Variants in OPCML observed in about 807,000 individuals in gnomAD.
OPCML encodes opioid-binding protein/cell adhesion molecule.
In OPCML, 13 loss-of-function variants were observed where a neutral mutation model predicts 37.8. The observed-to-expected ratio is 0.34, with a 90% confidence interval of 0.22 to 0.55. The LOEUF (loss-of-function observed/expected upper bound fraction) is 0.55. Ranked by LOEUF, OPCML falls within the 20% of genes least tolerant of loss-of-function variation. OPCML has a pLI of 0.91. For missense variants in OPCML, 341 were observed against 435.6 expected (o/e 0.78, Z 1.93); for synonymous variants, 176 against 168.8 (o/e 1.04, Z -0.33).
At chr11:132,710,377 TAATC>T (rs1203880629) in intron 2 of OPCML, among the ~76,000 whole-genome samples, 3 of 152,150 alleles carry the variant, frequency 2.0e-5, no homozygotes, top group African/African-American at 7.2e-5. Flanking sequence ...ATCTCTCAAA[TAATC>T]AATAAGTAAA....
intron 1 of OPCML, among the ~76,000 whole-genome samples, chr11:133,443,246 C>T (rs1946400589): frequency 6.6e-6 from 1 of 152,188 alleles, no homozygotes; most frequent in African/African-American, 2.4e-5. Flanking sequence ...CCCAACCAAT[C>T]TTTTATAGGA....
intron 2 of OPCML, among the ~76,000 whole-genome samples, chr11:132,701,891 T>C (rs953699221): frequency 3.3e-5 from 5 of 152,080 alleles, no homozygotes; most frequent in African/African-American, 1.2e-4. Context: ...TCAAAACATC[T>C]TGTAGTTATA....
intron 1 of OPCML, among the ~76,000 whole-genome samples, chr11:133,457,430 T>C (rs1161739799): frequency 6.6e-6 from 1 of 151,966 alleles, no homozygotes; most frequent in African/African-American, 2.4e-5. Flanking sequence ...TCCCAACTAC[T>C]TGGGAGGCTG....
intron 1 of OPCML, among the ~76,000 whole-genome samples, chr11:133,445,868 A>C (rs1946463766): frequency 6.6e-6 from 1 of 151,930 alleles, no homozygotes; most frequent in African/African-American, 2.4e-5. Flanking sequence ...GGAAGATATA[A>C]AGTTGATTGG....
chr11:132,696,063 A>G (rs1943588476), intron 2 of OPCML, among the ~76,000 whole-genome samples: 1 of 152,200 alleles, frequency 6.6e-6, no homozygotes, highest in Admixed American at 6.5e-5. Flanking sequence ...ACAGCCCACT[A>G]TTAACCCAGG....
chr11:132,696,183 A>T (rs181212313), intron 2 of OPCML, among the ~76,000 whole-genome samples: 2 of 152,324 alleles, frequency 1.3e-5, no homozygotes, highest in Non-Finnish European at 2.9e-5. Flanking sequence ...GTTTATTTCC[A>T]TGTCTGTGTT....
At chr11:133,499,961 C>T (rs1326337062) in intron 1 of OPCML, among the ~76,000 whole-genome samples, 25 of 146,198 alleles carry the variant, frequency 1.7e-4, no homozygotes, top group Admixed American at 3.4e-4. Flanking sequence ...AACCTCCGCC[C>T]CCCGGGTTCA....
chr11:132,994,291 G>A (rs1946839821), intron 1 of OPCML, among the ~76,000 whole-genome samples: 1 of 152,162 alleles, frequency 6.6e-6, no homozygotes, highest in African/African-American at 2.4e-5. Context: ...CTATTAAAAA[G>A]CCCAGGCGCG....
chr11:132,487,272 C>A (rs553083571), intron 4 of OPCML, among the ~76,000 whole-genome samples: 3 of 152,216 alleles, frequency 2.0e-5, no homozygotes, highest in Admixed American at 6.5e-5. Flanking sequence ...GTGCCCATGA[C>A]GGGCAACGTC....
intron 1 of OPCML, among the ~76,000 whole-genome samples, chr11:132,995,470 C>T (rs1370230583): frequency 6.6e-6 from 1 of 150,544 alleles, no homozygotes; most frequent in Admixed American, 6.6e-5. Flanking sequence ...TCCCTTCTTC[C>T]CTCTGTCTCT....
At chr11:132,915,752 A>T (rs1342489406) in intron 2 of OPCML, among the ~76,000 whole-genome samples, 1 of 152,172 alleles carries the variant, frequency 6.6e-6, no homozygotes, top group Non-Finnish European at 1.5e-5. Flanking sequence ...CCACATATTT[A>T]TTCACTATTT....
At chr11:132,653,929 C>G (rs991196091) in intron 3 of OPCML, among the ~76,000 whole-genome samples, 1 of 152,214 alleles carries the variant, frequency 6.6e-6, no homozygotes, top group Non-Finnish European at 1.5e-5. Context: ...CAATACCCAT[C>G]AGCAGTTTGA....
At chr11:133,426,179 A>G (rs1411929537) in intron 1 of OPCML, among the ~76,000 whole-genome samples, 3 of 152,198 alleles carry the variant, frequency 2.0e-5, no homozygotes, top group Admixed American at 6.5e-5. Flanking sequence ...TCTCTTGGAC[A>G]GCTGAAATTA....
chr11:133,178,031 T>C (rs916912271), intron 1 of OPCML, among the ~76,000 whole-genome samples: 4 of 152,180 alleles, frequency 2.6e-5, no homozygotes, highest in African/African-American at 4.8e-5. Flanking sequence ...GGATCCGTTT[T>C]GATCAGTCAA....
chr11:132,965,825 C>T (rs1470334327), intron 1 of OPCML, among the ~76,000 whole-genome samples: 1 of 152,218 alleles, frequency 6.6e-6, no homozygotes, highest in Non-Finnish European at 1.5e-5. Flanking sequence ...GCCATTGAGC[C>T]TAGCCAGCAC....
chr11:132,896,726 G>C (rs1227681823), intron 2 of OPCML, among the ~76,000 whole-genome samples: 1 of 152,180 alleles, frequency 6.6e-6, no homozygotes, highest in Non-Finnish European at 1.5e-5. Flanking sequence ...ACCTTATGCT[G>C]ATCAGACCTC....
At chr11:132,976,948 G>A (rs979894551) in intron 1 of OPCML, among the ~76,000 whole-genome samples, 1 of 152,094 alleles carries the variant, frequency 6.6e-6, no homozygotes, top group African/African-American at 2.4e-5. Flanking sequence ...AATTTTCATT[G>A]TCTTGGGGAC....
At chr11:133,204,884 A>ATGTG (rs1555114209) in intron 1 of OPCML, among the ~76,000 whole-genome samples, 9 of 36,264 alleles carry the variant, frequency 2.5e-4, no homozygotes, top group South Asian at 8.3e-4. Context: ...ATATATATAT[A>ATGTG]TATATATATA....
intron 1 of OPCML, among the ~76,000 whole-genome samples, chr11:132,975,406 G>A (rs1946436210): frequency 6.6e-6 from 1 of 150,706 alleles, no homozygotes; most frequent in South Asian, 2.1e-4. Flanking sequence ...AAGTAGAAAG[G>A]CAATGAGGAA....
Sources: gnomAD v4.1 joint callset for allele counts (sites outside exome capture counted in the v4.1 genomes callset) on GRCh38, gnomAD v4.1.1 for gene constraint, MANE v1.5 for transcripts, NCBI Gene and HGNC (gene_info 2026-07-23, HGNC 2026-07-21) for gene names.